The following VPS13B variants were observed in gnomAD, a reference collection of about 807,000 sequenced individuals.
VPS13B encodes the protein vacuolar protein sorting 13 homolog B, also known as intermembrane lipid transfer protein VPS13B.
Under a neutral mutation model 426.4 loss-of-function variants are expected in VPS13B, and 285 were observed. The ratio of observed to expected loss-of-function variants is 0.67; its 90% confidence interval spans 0.61 to 0.74. The LOEUF (loss-of-function observed/expected upper bound fraction) is 0.74, where lower values mean the gene tolerates loss of function less well. Ranked by LOEUF, VPS13B falls within the 30% of genes least tolerant of loss-of-function variation. VPS13B has a pLI of 0.00. For missense variants in VPS13B, 4,537 were observed against 4,782.6 expected, an observed-to-expected ratio of 0.95 and a Z score of 1.51; for synonymous variants, 1,676 against 1,676.4, an observed-to-expected ratio of 1.00 and a Z score of 0.01.
Position 99,215,594 on chromosome 8 carries a change from C to T in VPS13B, c.2515+22537C>T, listed in dbSNP as rs1413638280. Among the ~76,000 whole-genome samples the T allele has an allele frequency of 2.0e-5, 3 of 152,220 alleles. No homozygotes were observed. The East Asian group carries it at 5.8e-4, about 29-fold the overall frequency. Reference sequence around the variant, plus strand: ...AAACTCATGCATGTGATTCCTTTTGCCCCCTGCCTCCTGTGAAGGCACAGG... The same window carrying T: ...AAACTCATGCATGTGATTCCTTTTGTCCCCTGCCTCCTGTGAAGGCACAGG... On this transcript the variant is annotated intron_variant, in intron 17 of 61. Coordinates refer to ENST00000357162, the MANE Select transcript of VPS13B (RefSeq NM_152564.5).
chr8:99,381,247 A>G (rs945729992), intron 19 of VPS13B, among the ~76,000 whole-genome samples: 2 of 152,136 alleles, frequency 1.3e-5, no homozygotes, highest in Non-Finnish European at 2.9e-5. Flanking sequence ...GTTCTTTTTT[A>G]TGGCTGCATA....
chr8:99,134,068 C>G (rs1444658624), intron 8 of VPS13B, among the ~76,000 whole-genome samples: 1 of 152,180 alleles, frequency 6.6e-6, no homozygotes, highest in Non-Finnish European at 1.5e-5. Context: ...TCTTATCTAG[C>G]TGGCTTTCAA....
rs1554560735 is a variant in VPS13B, at chr8:99,809,474, GGT to G, written c.8042_8043del (p.Gly2681AlafsTer29). On this transcript the variant is annotated frameshift_variant, in exon 44 of 62. Coordinates refer to ENST00000357162, the MANE Select transcript of VPS13B (RefSeq NM_152564.5). LOFTEE classifies it high-confidence loss of function. ...GTFIRTIQYR[G>X]RTASLIIKVQ... ...TTTTATTAGAACAATTCAGTACAGGGGTCGAACTGCTTCTCTCATCATCAAGG... is the reference window on the plus strand; with the variant it reads ...TTTTATTAGAACAATTCAGTACAGGGCGAACTGCTTCTCTCATCATCAAGG... 6.2e-6 allele frequency: 10 copies of G among 1,613,928 alleles called. No individual in the cohort carries two copies. Among genetic ancestry groups the G allele is most frequent in the Non-Finnish European group, 7.6e-6 (9 of 1,179,956 alleles).
chr8:99,546,333 T>A (rs1165657781), intron 30 of VPS13B, among the ~76,000 whole-genome samples: 1 of 152,066 alleles, frequency 6.6e-6, no homozygotes, highest in African/African-American at 2.4e-5. Context: ...TTATCATGTT[T>A]AATTTGAAGT....
chr8:99,669,979 T>C (rs1363887489), intron 35 of VPS13B, among the ~76,000 whole-genome samples: 3 of 152,102 alleles, frequency 2.0e-5, no homozygotes, highest in Non-Finnish European at 4.4e-5. Flanking sequence ...TTAAATGCTA[T>C]AAAATAGTAA....
intron 19 of VPS13B, among the ~76,000 whole-genome samples, chr8:99,301,295 CTT>C (rs1820351555): frequency 6.8e-6 from 1 of 147,038 alleles, no homozygotes; most frequent in Non-Finnish European, 1.5e-5. Flanking sequence ...TGTTTTCTTT[CTT>C]TCTTTTTTTT....
rs556507396 is a variant in VPS13B at position 99,814,040 on chromosome 8, T to C, written c.8098-3500T>C. 1.8e-4 allele frequency among the ~76,000 whole-genome samples: 27 copies of C among 152,302 alleles called. No individual in the cohort carries two copies. In the South Asian group the frequency reaches 5.4e-3, roughly 30 times the overall value. ...CTGTAGTCCAAGCTACTTAGGAGGC[T>C]GAGGCAAGAAGATCCCTTGAGCCGA... On this transcript the variant is annotated intron_variant, in intron 44 of 61. Transcript: ENST00000357162.
At chr8:99,203,801 AGGGATGTGAAG>A (rs1199792536) in intron 17 of VPS13B, among the ~76,000 whole-genome samples, 1 of 152,220 alleles carries the variant, frequency 6.6e-6, no homozygotes, top group African/African-American at 2.4e-5. Flanking sequence ...CCAACTTACA[AGGGATGTGAAG>A]GACCTCTTCA....
At chr8:99,698,064 C>T (rs370156365) in intron 35 of VPS13B, 4 of 336,252 alleles carry the variant, frequency 1.2e-5, no homozygotes, top group South Asian at 3.5e-5. Flanking sequence ...ACTGCCCTGG[C>T]GAGGGCCGTG....
At chr8:99,173,072 A>G (rs1037507600) in intron 16 of VPS13B, among the ~76,000 whole-genome samples, 1 of 152,144 alleles carries the variant, frequency 6.6e-6, no homozygotes, top group East Asian at 1.9e-4. Context: ...GAAAACACAT[A>G]TTTCTTTTTA....
intron 12 of VPS13B, among the ~76,000 whole-genome samples, chr8:99,140,121 C>G (rs1810322205): frequency 6.6e-6 from 1 of 151,920 alleles, no homozygotes; most frequent in Non-Finnish European, 1.5e-5. Flanking sequence ...AATCCCAGCA[C>G]TTTGGAAGGC....
At chr8:99,269,359 G>A (rs1282346378) in intron 17 of VPS13B, among the ~76,000 whole-genome samples, 1 of 152,108 alleles carries the variant, frequency 6.6e-6, no homozygotes, top group East Asian at 1.9e-4. Flanking sequence ...TTGAGTAAAG[G>A]AATAGGTGAA....
chr8:99,871,321 A>C, intron 60 of VPS13B, 127 bp from the exon 61 acceptor site: 1 of 1,392,078 alleles, frequency 7.2e-7, no homozygotes, highest in Non-Finnish European at 1.0e-6. Flanking sequence ...TCAAGCTAAA[A>C]TGGGTAACTG....
rs1016790470 is a variant in VPS13B, at chr8:99,875,889, A to T, written c.*223A>T. ...TTTTTAAAAAGCCTAGGCAGCTCTA[A>T]CATCATCTGATATGGACACAAGGCC... is the stretch of plus-strand genomic sequence containing the variant. On this transcript the variant is annotated 3_prime_UTR_variant, in exon 62 of 62. Transcript: ENST00000357162. 5.1e-6 allele frequency: 3 copies of T among 584,190 alleles called. No homozygotes were observed. In the African/African-American group the frequency reaches 5.6e-5, roughly 11 times the overall value. 36.2% of individuals were successfully genotyped at this position (584,190 alleles called of 1,614,324 possible).
At chr8:99,865,300 G>A (rs1220953540) in intron 58 of VPS13B, among the ~76,000 whole-genome samples, 6 of 152,204 alleles carry the variant, frequency 3.9e-5, no homozygotes, top group Admixed American at 2.6e-4. Flanking sequence ...TGCATTCTGC[G>A]TTTCCTCCCA....
chr8:99,803,024 T>G (rs958206489), intron 43 of VPS13B, among the ~76,000 whole-genome samples: 5 of 152,352 alleles, frequency 3.3e-5, no homozygotes, highest in Non-Finnish European at 7.4e-5. Flanking sequence ...GTTTTTATTT[T>G]TACTGTGTTA....
chr8:99,030,426 C>T (rs571259956), intron 2 of VPS13B, among the ~76,000 whole-genome samples: 12 of 150,834 alleles, frequency 8.0e-5, no homozygotes, highest in Admixed American at 5.3e-4. Flanking sequence ...GTTTGGTTAA[C>T]TGGTATGTCT....
intron 28 of VPS13B, chr8:99,508,017 A>G (rs1427243057): frequency 1.3e-6 from 2 of 1,527,030 alleles, no homozygotes; most frequent in Non-Finnish European, 9.0e-7. Flanking sequence ...TTTCCTCCAT[A>G]TCATAAACTT....
chr8:99,468,634 A>G (rs1819237106), intron 24 of VPS13B, among the ~76,000 whole-genome samples: 1 of 152,102 alleles, frequency 6.6e-6, no homozygotes, highest in Middle Eastern at 3.2e-3. Context: ...AGGATCCTTG[A>G]GCCCAGAAGT....
Sources: gnomAD v4.1 joint callset for allele counts (sites outside exome capture counted in the v4.1 genomes callset) on GRCh38, gnomAD v4.1.1 for gene constraint, MANE v1.5 for transcripts, NCBI Gene and HGNC (gene_info 2026-07-23, HGNC 2026-07-21) for gene names.